The following TMTC3 variants were observed in gnomAD, a reference collection of about 807,000 sequenced individuals.
The protein encoded by TMTC3 is protein O-mannosyl-transferase TMTC3.
In TMTC3, 52 loss-of-function variants were observed where a neutral mutation model predicts 92.2. The observed-to-expected ratio is 0.56, with a 90% CI of 0.45 to 0.71. The LOEUF is 0.71. TMTC3 is among the 30% of genes least tolerant of loss of function. The pLI is 0.00. For synonymous variants in TMTC3, 339 were observed against 363.3 expected, an observed-to-expected ratio of 0.93 and a Z score of 0.76; for missense variants, 896 against 1,057.1, an observed-to-expected ratio of 0.85 and a Z score of 2.11.
At chr12:88,154,477 A>G (rs2040982236) in intron 4 of TMTC3, 90 bp downstream of exon 4, 3 of 744,256 alleles carry the variant, frequency 4.0e-6, no homozygotes, top group South Asian at 4.3e-5. Context: ...ATAACACATT[A>G]TATACCACAT....
Position 88,195,586 on chromosome 12 carries a change from GAAGAA to G in TMTC3, c.2687_2691del (p.Lys896SerfsTer11), listed in dbSNP as rs747901806. The G allele has an allele frequency of 1.8e-5, 29 of 1,605,654 alleles. No homozygotes were observed. Among genetic ancestry groups the G allele is most frequent in the Non-Finnish European group, 2.4e-5 (28 of 1,177,942 alleles). On this transcript the variant is annotated frameshift_variant, in exon 14 of 14. Transcript: ENST00000266712. LOFTEE classifies it high-confidence loss of function. Reference sequence around the variant, plus strand: ...CAACAAAAGACATCAAAGAAATTGAGAAGAAAAGAGTTGCTGCTTTAAAAAGACTA... The same window carrying G: ...CAACAAAAGACATCAAAGAAATTGAGAAGAGTTGCTGCTTTAAAAAGACTA...
At chr12:88,192,072 G>A (rs1008363076) in intron 12 of TMTC3, among the ~76,000 whole-genome samples, 2 of 139,634 alleles carry the variant, frequency 1.4e-5, no homozygotes, top group Non-Finnish European at 3.0e-5. Flanking sequence ...AGACATTGAT[G>A]AGGACTAAAT....
chr12:88,145,736 C>T (rs2138351785), intron 1 of TMTC3, among the ~76,000 whole-genome samples: 1 of 152,228 alleles, frequency 6.6e-6, no homozygotes, highest in South Asian at 2.1e-4. Flanking sequence ...CAGCACTTTA[C>T]GTGAGATAAG....
intron 4 of TMTC3, 146 bp from the exon 5 acceptor site, chr12:88,159,968 A>T: frequency 2.4e-6 from 1 of 421,090 alleles, no homozygotes; most frequent in South Asian, 7.3e-5. Flanking sequence ...AAAAATTATT[A>T]AATTTAAGTA....
Sources: allele counts gnomAD v4.1 joint callset (sites outside exome capture counted in the v4.1 genomes callset), GRCh38; gene constraint gnomAD v4.1.1; transcripts MANE v1.5; gene names NCBI Gene and HGNC (gene_info 2026-07-23, HGNC 2026-07-21).